Variants in STX3 observed in about 807,000 individuals in gnomAD.
STX3 encodes the protein syntaxin-3.
In STX3, 19 loss-of-function variants were observed where a neutral mutation model predicts 40.2. The ratio of observed to expected loss-of-function variants is 0.47; its 90% CI spans 0.33 to 0.69. STX3 has a LOEUF of 0.69. Ranked by LOEUF, STX3 falls within the 30% of genes least tolerant of loss-of-function variation. The probability of loss-of-function intolerance (pLI) is 0.02; values close to 1 mark genes in which losing one functional copy is unlikely to be tolerated. For missense variants in STX3, 364 were observed against 366.7 expected (o/e 0.99, Z 0.06); for synonymous variants, 122 against 132.2 (o/e 0.92, Z 0.53).
intron 2 of STX3, among the ~76,000 whole-genome samples, chr11:59,777,332 G>A (rs1028744028): frequency 6.6e-6 from 1 of 152,168 alleles, no homozygotes; most frequent in Non-Finnish European, 1.5e-5. Context: ...GGATTTTTAG[G>A]AATGTCTTCC....
intron 10 of STX3, among the ~76,000 whole-genome samples, chr11:59,798,161 AT>A (rs1865635039): frequency 6.6e-6 from 1 of 151,598 alleles, no homozygotes; most frequent in African/African-American, 2.4e-5. Flanking sequence ...TAGACTATTC[AT>A]TTTCTTGAAA....
intron 10 of STX3, chr11:59,800,033 G>A (rs1229155596): frequency 4.4e-5 from 43 of 985,266 alleles, no homozygotes; most frequent in Non-Finnish European, 5.2e-5. Flanking sequence ...GACTTCAGAA[G>A]GTATATGAAT....
At chr11:59,764,838 A>G (rs974832862) in intron 1 of STX3, among the ~76,000 whole-genome samples, 4 of 151,918 alleles carry the variant, frequency 2.6e-5, no homozygotes, top group African/African-American at 9.7e-5. Flanking sequence ...GAATTAATAC[A>G]TTTGAAACCA....
intron 9 of STX3, among the ~76,000 whole-genome samples, chr11:59,796,971 C>T (rs759092834): frequency 8.9e-4 from 136 of 152,106 alleles, no homozygotes; most frequent in Non-Finnish European, 1.1e-3. Flanking sequence ...ATGAGCTGAG[C>T]ATGGTGGTGC....
intron 1 of STX3, among the ~76,000 whole-genome samples, chr11:59,771,512 T>C (rs1863645335): frequency 6.6e-6 from 1 of 151,190 alleles, no homozygotes; most frequent in African/African-American, 2.4e-5. Context: ...CAAAGTGCAG[T>C]GGGAGCTTAG....
At chr11:59,794,640 C>T (rs890725237) in intron 8 of STX3, among the ~76,000 whole-genome samples, 2 of 152,060 alleles carry the variant, frequency 1.3e-5, no homozygotes, top group Non-Finnish European at 2.9e-5. Context: ...TTACAGACTG[C>T]CATAAAGTGA....
At chr11:59,774,660 G>A (rs1212325262) in intron 2 of STX3, among the ~76,000 whole-genome samples, 2 of 152,070 alleles carry the variant, frequency 1.3e-5, no homozygotes, top group Non-Finnish European at 2.9e-5. Flanking sequence ...GTGAAACCCT[G>A]TCTGTACTAA....
intron 1 of STX3, among the ~76,000 whole-genome samples, chr11:59,762,535 T>G (rs1444902381): frequency 6.6e-6 from 1 of 152,190 alleles, no homozygotes; most frequent in Non-Finnish European, 1.5e-5. Context: ...GTTATTTAAG[T>G]ATTCTAGAAT....
In STX3 at chr11:59,795,387, A is replaced by G; in HGVS notation, c.691A>G (p.Asn231Asp). 2 of 1,613,158 alleles carry G rather than the reference A, an allele frequency of 1.2e-6. No homozygotes were observed. Among genetic ancestry groups the G allele is most frequent in the Non-Finnish European group, 1.7e-6 (2 of 1,179,694 alleles). Residue 231 changes from asparagine to aspartate, a missense_variant, in exon 9 of 11, where the codon AAC becomes GAC. Transcript: ENST00000337979. ...TTCTTTGCAGGGTGAGATGTTAGAT[A>G]ACATAGAGTTGAATGTCATGCACAC... is the stretch of plus-strand genomic sequence containing the variant. ...LVENQGEMLDNIELNVMHTVD... is the reference protein window; with the variant it reads ...LVENQGEMLDDIELNVMHTVD...
At chr11:59,767,516 T>C (rs1863340709) in intron 1 of STX3, among the ~76,000 whole-genome samples, 3 of 152,054 alleles carry the variant, frequency 2.0e-5, no homozygotes, top group Admixed American at 1.3e-4. Context: ...AGAGAGCACA[T>C]GTGTGTCAGA....
chr11:59,794,394 A>G (rs535530258), intron 8 of STX3, among the ~76,000 whole-genome samples: 1 of 152,334 alleles, frequency 6.6e-6, no homozygotes, highest in South Asian at 2.1e-4. Context: ...CACTTGGGAT[A>G]GGAGAGAAAA....
intron 8 of STX3, among the ~76,000 whole-genome samples, chr11:59,794,237 C>T (rs1444735328): frequency 6.6e-6 from 1 of 152,160 alleles, no homozygotes; most frequent in Non-Finnish European, 1.5e-5. Context: ...TTGTCCCAGG[C>T]ATGCTTGCTC....
chr11:59,770,765 C>G (rs1284714406), intron 1 of STX3, among the ~76,000 whole-genome samples: 1 of 152,096 alleles, frequency 6.6e-6, no homozygotes, highest in African/African-American at 2.4e-5. Flanking sequence ...TAATTAATGA[C>G]AAGTACAGTG....
chr11:59,800,834 C>A (rs1865849993), intron 10 of STX3, 21 bp from the exon 11 acceptor site: 1 of 1,536,416 alleles, frequency 6.5e-7, no homozygotes, highest in African/African-American at 1.4e-5. Context: ...CTGATCAGCT[C>A]CTCCTTTCCC....
chr11:59,788,253 T>C (rs1400477550), intron 3 of STX3, among the ~76,000 whole-genome samples: 2 of 152,176 alleles, frequency 1.3e-5, no homozygotes, highest in Non-Finnish European at 2.9e-5. Context: ...CCACGCTGCA[T>C]ATTAGAGCTG....
chr11:59,765,844 G>A (rs1013110409), intron 1 of STX3, among the ~76,000 whole-genome samples: 1 of 152,116 alleles, frequency 6.6e-6, no homozygotes, highest in Non-Finnish European at 1.5e-5. Flanking sequence ...AAACCCAGGT[G>A]TGTCATTGTT....
chr11:59,795,647 G>A (rs1293892875), intron 9 of STX3, 165 bp downstream of exon 9: 15 of 1,538,274 alleles, frequency 9.8e-6, no homozygotes, highest in African/African-American at 1.4e-5. Context: ...CCAGTCAGTG[G>A]GCTTTGTGGA....
chr11:59,756,012 C>A lies in STX3; in HGVS notation c.30+377C>A, dbSNP rs1223594765. Among the ~76,000 whole-genome samples the A allele has an allele frequency of 3.3e-5, 5 of 152,236 alleles. 1 individual carries two copies. The highest frequency in any genetic ancestry group is 7.3e-5 in the Non-Finnish European group (5 of 68,046). On this transcript the variant is annotated intron_variant, in intron 1 of 10. Transcript: ENST00000337979. ...GCCTCCTTCTCCCTTTCCTGTTTCTCTCCTGAGGTGCTACAGGCCTGGCTG... is the reference window on the plus strand; with the variant it reads ...GCCTCCTTCTCCCTTTCCTGTTTCTATCCTGAGGTGCTACAGGCCTGGCTG...
Position 59,773,182 on chromosome 11 carries a change from C to G in STX3, c.31-29C>G, listed in dbSNP as rs139495717. On this transcript the variant is annotated intron_variant, in intron 1 of 10. Coordinates refer to ENST00000337979, the MANE Select transcript of STX3 (RefSeq NM_004177.5). Reference sequence around the variant, plus strand: ...TTTAGCCATTTATTGTGTTTTTAGCCTCACTCTGCTCTTTTTTGCCTTTTG... The same window carrying G: ...TTTAGCCATTTATTGTGTTTTTAGCGTCACTCTGCTCTTTTTTGCCTTTTG... 4.8e-5 allele frequency: 77 copies of G among 1,609,598 alleles called. 2 individuals are homozygous for G. The South Asian group carries it at 7.7e-4, about 16-fold the overall frequency.
Sources: gnomAD v4.1 joint callset for allele counts (sites outside exome capture counted in the v4.1 genomes callset) on GRCh38, gnomAD v4.1.1 for gene constraint, MANE v1.5 for transcripts, NCBI Gene and HGNC (gene_info 2026-07-23, HGNC 2026-07-21) for gene names.